Variants in PHACTR3 observed in about 807,000 individuals in gnomAD.
PHACTR3 encodes protein phosphatase 1, regulatory subunit 123.
PHACTR3 carries 16 observed loss-of-function variants against 66.8 expected under a neutral mutation model. The observed-to-expected ratio is 0.24, with a 90% CI of 0.16 to 0.36. PHACTR3 has a LOEUF of 0.36. PHACTR3 is among the 10% of genes least tolerant of loss of function. The probability of loss-of-function intolerance (pLI) is 1.00; values close to 1 mark genes in which losing one functional copy is unlikely to be tolerated. For synonymous variants in PHACTR3, 323 were observed against 292.1 expected (o/e 1.11, Z -1.08); for missense variants, 647 against 719.9 (o/e 0.90, Z 1.16).
intron 4 of PHACTR3, among the ~76,000 whole-genome samples, chr20:59,763,578 C>A (rs1420239360): frequency 1.3e-5 from 2 of 152,162 alleles, no homozygotes; most frequent in African/African-American, 4.8e-5. Flanking sequence ...GATGGAGATG[C>A]CAGTGTGGCC....
At chr20:59,832,918 G>A (rs1055624580) in intron 8 of PHACTR3, among the ~76,000 whole-genome samples, 1 of 152,216 alleles carries the variant, frequency 6.6e-6, no homozygotes, top group Non-Finnish European at 1.5e-5. Flanking sequence ...TGGGTTGGCA[G>A]AACCACCCTA....
intron 4 of PHACTR3, among the ~76,000 whole-genome samples, chr20:59,757,591 C>T (rs1328239983): frequency 6.6e-6 from 1 of 152,108 alleles, no homozygotes; most frequent in Non-Finnish European, 1.5e-5. Context: ...CCTCTGCCCC[C>T]TGGTAGCACA....
intron 1 of PHACTR3, among the ~76,000 whole-genome samples, chr20:59,694,404 C>T (rs552589919): frequency 6.6e-6 from 1 of 151,894 alleles, no homozygotes; most frequent in African/African-American, 2.4e-5. Flanking sequence ...ACTATTATAT[C>T]ATTGGCACCT....
chr20:59,643,572 A>G (rs975628804), intron 1 of PHACTR3, among the ~76,000 whole-genome samples: 6 of 152,260 alleles, frequency 3.9e-5, no homozygotes, highest in Non-Finnish European at 8.8e-5. Context: ...CGTTCTTCAC[A>G]GGATAATTAG....
At chr20:59,627,772 C>CT (rs1440961639) in intron 1 of PHACTR3, among the ~76,000 whole-genome samples, 1 of 152,110 alleles carries the variant, frequency 6.6e-6, no homozygotes, top group Non-Finnish European at 1.5e-5. Flanking sequence ...ATTTATCTCT[C>CT]TTTTTTATTT....
chr20:59,759,104 A>G (rs2039908428), intron 4 of PHACTR3, among the ~76,000 whole-genome samples: 1 of 152,184 alleles, frequency 6.6e-6, no homozygotes. Flanking sequence ...AGATGCTCCC[A>G]GAGAGGCCAT....
At chr20:59,627,153 G>A (rs1473788782) in intron 1 of PHACTR3, among the ~76,000 whole-genome samples, 3 of 152,170 alleles carry the variant, frequency 2.0e-5, no homozygotes, top group Admixed American at 6.5e-5. Flanking sequence ...AAACATCCCA[G>A]GCATGCATCC....
intron 8 of PHACTR3, among the ~76,000 whole-genome samples, chr20:59,813,538 G>T (rs981595672): frequency 6.6e-6 from 1 of 152,214 alleles, no homozygotes; most frequent in Admixed American, 6.5e-5. Context: ...AGGCGCTGGG[G>T]TGCAGAGATG....
chr20:59,670,204 C>T (rs1025377078), intron 1 of PHACTR3, among the ~76,000 whole-genome samples: 5 of 152,060 alleles, frequency 3.3e-5, no homozygotes, highest in East Asian at 1.9e-4. Flanking sequence ...TCGGTGATGA[C>T]GAATGTGGTG....
chr20:59,746,772 C>G (rs1345217544), intron 2 of PHACTR3, among the ~76,000 whole-genome samples: 1 of 152,204 alleles, frequency 6.6e-6, no homozygotes, highest in Non-Finnish European at 1.5e-5. Flanking sequence ...GGGTTAATGG[C>G]AGGATCACGG....
At chr20:59,616,140 G>GAGGATTACTTTACTTATATTA (rs2034016753) in intron 1 of PHACTR3, among the ~76,000 whole-genome samples, 1 of 151,848 alleles carries the variant, frequency 6.6e-6, no homozygotes, top group African/African-American at 2.4e-5. Flanking sequence ...TCTGCAGAAT[G>GAGGATTACTTTACTTATATTA]AGGATTACTT....
intron 12 of PHACTR3, among the ~76,000 whole-genome samples, chr20:59,845,707 T>TCCTAAAGCTGAGTATTTGTTTC (rs1349371215): frequency 6.6e-6 from 1 of 152,146 alleles, no homozygotes; most frequent in Admixed American, 6.5e-5. Flanking sequence ...GCCAGCGTTC[T>TCCTAAAGCTGAGTATTTGTTTC]CCTAAAGCTG....
At chr20:59,826,705 T>TA (rs1440647530) in intron 8 of PHACTR3, among the ~76,000 whole-genome samples, 4 of 152,122 alleles carry the variant, frequency 2.6e-5, no homozygotes, top group African/African-American at 4.8e-5. Context: ...CCCTGCCTGT[T>TA]ACGCCTGCTG....
intron 4 of PHACTR3, 24 bp from the exon 5 acceptor site, chr20:59,767,162 C>G: frequency 1.2e-6 from 2 of 1,613,108 alleles, no homozygotes; most frequent in Non-Finnish European, 1.7e-6. Context: ...ATGTTTTTAA[C>G]TCTCTGCTTT....
chr20:59,675,565 G>T (rs561103890), intron 1 of PHACTR3, among the ~76,000 whole-genome samples: 15 of 152,320 alleles, frequency 9.8e-5, no homozygotes, highest in African/African-American at 3.6e-4. Context: ...TGGAGTAGGG[G>T]TCCTGGTTCA....
At position 59,763,631 on chromosome 20, in the gene PHACTR3, G is replaced by T. The variant is rs1346992055; in HGVS notation, c.542-3555G>T. Among the ~76,000 whole-genome samples, 3 of 152,176 alleles carry T rather than the reference G, an allele frequency of 2.0e-5. No homozygotes were observed. The East Asian group carries it at 5.8e-4, about 29-fold the overall frequency. On this transcript the variant is annotated intron_variant, in intron 4 of 12. Coordinates refer to ENST00000371015, the MANE Select transcript of PHACTR3 (RefSeq NM_080672.5). ...TCTGGAGCTCAGAGAAATGGTCCAG[G>T]GTTAACAGAGAAATGGAATCAGTTC...
At chr20:59,823,201 C>T (rs550802153) in intron 8 of PHACTR3, among the ~76,000 whole-genome samples, 1 of 152,338 alleles carries the variant, frequency 6.6e-6, no homozygotes, top group South Asian at 2.1e-4. Flanking sequence ...GTACTTCTCA[C>T]TCCCACCTCA....
At chr20:59,779,461 G>A (rs1241050860) in intron 7 of PHACTR3, among the ~76,000 whole-genome samples, 7 of 152,206 alleles carry the variant, frequency 4.6e-5, no homozygotes, top group Non-Finnish European at 1.0e-4. Context: ...TCTCTGCAGT[G>A]TGTTGAGTTC....
Position 59,578,422 on chromosome 20 carries a change from C to T in PHACTR3, c.109+805C>T, listed in dbSNP as rs556303407. On this transcript the variant is annotated intron_variant, in intron 1 of 12. Transcript: ENST00000359926. ...GTGAGGATACCGGGGGCACTTATTACAGATTGTTCCAGGGGCCCCACCCAG... is the reference window on the plus strand; with the variant it reads ...GTGAGGATACCGGGGGCACTTATTATAGATTGTTCCAGGGGCCCCACCCAG... Among the ~76,000 whole-genome samples, 179 of 152,328 alleles carry T rather than the reference C, an allele frequency of 1.2e-3. 1 individual carries two copies. The highest frequency in any genetic ancestry group is 2.2e-3 in the Non-Finnish European group (147 of 68,010).
Sources: gnomAD v4.1 joint callset for allele counts (sites outside exome capture counted in the v4.1 genomes callset) on GRCh38, gnomAD v4.1.1 for gene constraint, MANE v1.5 for transcripts, NCBI Gene and HGNC (gene_info 2026-07-23, HGNC 2026-07-21) for gene names.